CACNG4: variants seen among roughly 807,000 people sequenced by gnomAD.
The protein encoded by CACNG4 is calcium voltage-gated channel auxiliary subunit gamma 4.
Under a neutral mutation model 22.9 loss-of-function variants are expected in CACNG4, and 8 were observed. The observed-to-expected ratio is 0.35, with a 90% CI of 0.21 to 0.63. CACNG4 has a LOEUF of 0.63. Among genes scored for constraint, CACNG4 ranks in the 30% least tolerant of loss-of-function variants. The pLI is 0.72. For missense variants in CACNG4, 357 were observed against 455.4 expected (o/e 0.78, Z 1.97); for synonymous variants, 188 against 191.9 (o/e 0.98, Z 0.17).
intron 1 of CACNG4, among the ~76,000 whole-genome samples, chr17:66,969,275 C>G (rs1030579696): frequency 1.1e-4 from 16 of 152,200 alleles, no homozygotes; most frequent in Non-Finnish European, 2.9e-5. Context: ...CTAGAGCCAC[C>G]CAGTCCCCGT....
chr17:66,991,897 A>C (rs183045431), intron 1 of CACNG4, among the ~76,000 whole-genome samples: 9 of 152,178 alleles, frequency 5.9e-5, no homozygotes, highest in Non-Finnish European at 1.2e-4. Context: ...GGAGAGTCCA[A>C]CTTGAAATTT....
chr17:66,990,357 T>A (rs1359241477), intron 1 of CACNG4, among the ~76,000 whole-genome samples: 1 of 152,226 alleles, frequency 6.6e-6, no homozygotes, highest in Non-Finnish European at 1.5e-5. Flanking sequence ...CATCTCTGAT[T>A]TCTTCCCCTC....
chr17:66,989,627 T>C, intron 1 of CACNG4, among the ~76,000 whole-genome samples: 1 of 151,606 alleles, frequency 6.6e-6, no homozygotes, highest in East Asian at 1.9e-4. Flanking sequence ...GGAGATTAAT[T>C]CAGCCTTGCA....
At chr17:66,994,049 C>T (rs9904693) in intron 1 of CACNG4, among the ~76,000 whole-genome samples, 28,166 of 151,588 alleles carry the variant, frequency 0.19, 4,293 homozygotes, top group African/African-American at 0.42. Flanking sequence ...TTTTAAGAGA[C>T]CAGAGGTGCG....
chr17:66,989,381 G>A (rs2035325252), intron 1 of CACNG4, among the ~76,000 whole-genome samples: 1 of 151,520 alleles, frequency 6.6e-6, no homozygotes, highest in Non-Finnish European at 1.5e-5. Flanking sequence ...GATGGAGGCA[G>A]AGATTGCAGT....
chr17:67,009,172 C>T (rs1009396364), intron 1 of CACNG4, among the ~76,000 whole-genome samples: 18 of 152,252 alleles, frequency 1.2e-4, no homozygotes, highest in African/African-American at 4.3e-4. Flanking sequence ...CCTCACAGCC[C>T]TCAGGAGGAA....
intron 2 of CACNG4, chr17:67,021,667 T>G (rs2035532875): frequency 6.6e-6 from 1 of 152,334 alleles, no homozygotes; most frequent in Non-Finnish European, 1.5e-5. Context: ...CCTGCCCACC[T>G]TGCCCTGGGC....
At chr17:66,998,376 C>CA (rs1231109273) in intron 1 of CACNG4, among the ~76,000 whole-genome samples, 1 of 152,156 alleles carries the variant, frequency 6.6e-6, no homozygotes, top group Non-Finnish European at 1.5e-5. Flanking sequence ...TGCACACCAC[C>CA]ATGCCTAATT....
At chr17:67,005,710 A>G (rs955140222) in intron 1 of CACNG4, among the ~76,000 whole-genome samples, 1 of 152,130 alleles carries the variant, frequency 6.6e-6, no homozygotes, top group Non-Finnish European at 1.5e-5. Flanking sequence ...CTCTCTCCCA[A>G]ATCCTCCACT....
chr17:66,965,663 C>A (rs1475755049), intron 1 of CACNG4, among the ~76,000 whole-genome samples: 12 of 143,256 alleles, frequency 8.4e-5, no homozygotes, highest in Admixed American at 5.7e-4. Flanking sequence ...GCGTCGGTGC[C>A]GCTGGGCGCT....
chr17:67,020,481 T>A (rs1479795729), intron 2 of CACNG4, among the ~76,000 whole-genome samples: 13 of 152,170 alleles, frequency 8.5e-5, no homozygotes, highest in Admixed American at 5.9e-4. Context: ...GAGATGCACA[T>A]GGAAGAGACA....
intron 1 of CACNG4, among the ~76,000 whole-genome samples, chr17:67,014,943 C>CAA (rs1163062678): frequency 0.092 from 8,764 of 95,270 alleles, 584 homozygotes; most frequent in African/African-American, 0.18. Context: ...TCTCCAAAAA[C>CAA]AAAAAAAAAA....
chr17:66,995,142 C>T (rs946772482), intron 1 of CACNG4, among the ~76,000 whole-genome samples: 1 of 152,136 alleles, frequency 6.6e-6, no homozygotes, highest in Non-Finnish European at 1.5e-5. Flanking sequence ...GTGGCCCTGG[C>T]GCCCTCACGC....
At chr17:66,982,586 C>G (rs1479148467) in intron 1 of CACNG4, among the ~76,000 whole-genome samples, 2 of 152,152 alleles carry the variant, frequency 1.3e-5, no homozygotes, top group Non-Finnish European at 2.9e-5. Context: ...CTCCAAGTCC[C>G]CACTCAACCC....
intron 1 of CACNG4, among the ~76,000 whole-genome samples, chr17:66,968,282 G>C (rs748241778): frequency 3.3e-5 from 5 of 152,198 alleles, no homozygotes; most frequent in Non-Finnish European, 5.9e-5. Flanking sequence ...CTACCCAGTG[G>C]AGCCCAGCTC....
chr17:66,973,580 C>T (rs1445611465), intron 1 of CACNG4, among the ~76,000 whole-genome samples: 1 of 152,200 alleles, frequency 6.6e-6, no homozygotes, highest in Admixed American at 6.5e-5. Flanking sequence ...GGTTGGGCAA[C>T]ACACAGCCAC....
chr17:66,970,679 T>TCA (rs1262103629), intron 1 of CACNG4, among the ~76,000 whole-genome samples: 7 of 152,174 alleles, frequency 4.6e-5, no homozygotes, highest in Non-Finnish European at 1.0e-4. Flanking sequence ...ATCATGACCC[T>TCA]CACAACCTCA....
rs139552458 is a variant in CACNG4, at chr17:66,973,982, T to C, written c.220+8851T>C. 1.2e-3 allele frequency among the ~76,000 whole-genome samples: 189 copies of C among 152,308 alleles called. 2 individuals are homozygous for C. Among genetic ancestry groups the C allele is most frequent in the African/African-American group, 4.5e-3 (187 of 41,558 alleles). ...GGACTTTTTTTCTAGCATTATCAAC[T>C]TCTTCCAATGAAAAACTTTTCAAAG... is the stretch of plus-strand genomic sequence containing the variant. On this transcript the variant is annotated intron_variant, in intron 1 of 3. Transcript: ENST00000262138.
chr17:66,999,885 C>G (rs2035397809), intron 1 of CACNG4, among the ~76,000 whole-genome samples: 2 of 152,206 alleles, frequency 1.3e-5, no homozygotes. Flanking sequence ...GAGTGCGCGG[C>G]CTCCCGAGGG....
Sources: gnomAD v4.1 joint callset for allele counts (sites outside exome capture counted in the v4.1 genomes callset) on GRCh38, gnomAD v4.1.1 for gene constraint, MANE v1.5 for transcripts, NCBI Gene and HGNC (gene_info 2026-07-23, HGNC 2026-07-21) for gene names.